The following CACNA1I variants were observed in gnomAD, a reference collection of about 807,000 sequenced individuals.
CACNA1I encodes calcium voltage-gated channel subunit alpha1 I, also known as voltage-dependent T-type calcium channel subunit alpha-1I.
Under a neutral mutation model 201.6 loss-of-function variants are expected in CACNA1I, and 74 were observed. The observed-to-expected ratio is 0.37, with a 90% CI of 0.30 to 0.45. The LOEUF is 0.45. CACNA1I is among the 20% of genes least tolerant of loss of function. The pLI, the probability that CACNA1I is intolerant of heterozygous loss-of-function variation, is 1.00. For missense variants in CACNA1I, 2,346 were observed against 3,138.1 expected, an observed-to-expected ratio of 0.75 and a Z score of 6.03; for synonymous variants, 1,431 against 1,345.2, an observed-to-expected ratio of 1.06 and a Z score of -1.40.
At chr22:39,625,612 A>G (rs1353120287) in intron 4 of CACNA1I, among the ~76,000 whole-genome samples, 1 of 152,204 alleles carries the variant, frequency 6.6e-6, no homozygotes, top group African/African-American at 2.4e-5. Context: ...TATAAAATAC[A>G]TGTCTCTCCA....
chr22:39,673,910 ACAC>A lies in CACNA1I; in HGVS notation c.4784-52_4784-50del. 2.6e-6 allele frequency: 4 copies of A among 1,566,072 alleles called. No individual in the cohort carries two copies. The South Asian group carries it at 4.4e-5, about 17-fold the overall frequency. Reference sequence around the variant, plus strand: ...CACACGTGCACACATGCGTGCACACACACGTCCCCACCGGCCTGGGGCTGAGTG... The same window carrying A: ...CACACGTGCACACATGCGTGCACACAGTCCCCACCGGCCTGGGGCTGAGTG... On this transcript the variant is annotated intron_variant, in intron 28 of 36. Transcript: ENST00000402142.
At chr22:39,613,253 C>A (rs553652988) in intron 3 of CACNA1I, among the ~76,000 whole-genome samples, 1 of 152,104 alleles carries the variant, frequency 6.6e-6, no homozygotes, top group African/African-American at 2.4e-5. Context: ...AGGGAATCCA[C>A]CTCTAAGTCA....
chr22:39,616,678 C>T (rs192339179), intron 3 of CACNA1I, among the ~76,000 whole-genome samples: 12 of 149,820 alleles, frequency 8.0e-5, no homozygotes, highest in African/African-American at 2.0e-4. Context: ...GCAGGAGAAT[C>T]GCTTGAACCC....
chr22:39,667,292 T>A (rs1935227269), intron 23 of CACNA1I, among the ~76,000 whole-genome samples: 1 of 152,126 alleles, frequency 6.6e-6, no homozygotes, highest in Admixed American at 6.5e-5. Flanking sequence ...CATTCCCACC[T>A]GGGAAGGGAA....
At chr22:39,627,801 C>T (rs1300347347) in intron 4 of CACNA1I, among the ~76,000 whole-genome samples, 2 of 152,190 alleles carry the variant, frequency 1.3e-5, no homozygotes, top group Admixed American at 1.3e-4. Context: ...TAGGCACCCA[C>T]AAGGGGCTCC....
At chr22:39,656,641 G>GGAGT in intron 10 of CACNA1I, 1 of 517,614 alleles carries the variant, frequency 1.9e-6, no homozygotes, top group South Asian at 1.4e-5. Flanking sequence ...TAGCCATGCA[G>GGAGT]GAATGAATGA....
In CACNA1I at chr22:39,677,779, G is replaced by A. The variant is rs373075112; in HGVS notation, c.4934-208G>A. 3.3e-5 allele frequency among the ~76,000 whole-genome samples: 5 copies of A among 152,292 alleles called. No individual in the cohort carries two copies. In the East Asian group the frequency reaches 9.7e-4, roughly 29 times the overall value. On this transcript the variant is annotated intron_variant, in intron 30 of 36. Coordinates refer to ENST00000402142, the MANE Select transcript of CACNA1I (RefSeq NM_021096.4). The surrounding 1 kb of genome is among the most constrained non-coding windows in gnomAD (Gnocchi z 4.8). ...CTCTTTCTCAGAAACCCATTCTTCG[G>A]CGGGGAGCAGAGCCAGACTCACCCA...
intron 6 of CACNA1I, among the ~76,000 whole-genome samples, chr22:39,642,489 G>A (rs1934374831): frequency 6.6e-6 from 1 of 152,204 alleles, no homozygotes; most frequent in Non-Finnish European, 1.5e-5. Context: ...TGATAAGCTG[G>A]AGCAGGGGCA....
At chr22:39,605,287 G>T (rs1453191965) in intron 3 of CACNA1I, among the ~76,000 whole-genome samples, 1 of 152,152 alleles carries the variant, frequency 6.6e-6, no homozygotes, top group African/African-American at 2.4e-5. Context: ...CTCCACATCT[G>T]GTGTAACCCT....
chr22:39,683,452 C>G (rs756002496), intron 35 of CACNA1I, among the ~76,000 whole-genome samples: 6 of 152,176 alleles, frequency 3.9e-5, no homozygotes, highest in African/African-American at 1.4e-4. Flanking sequence ...GGCTGAGGTG[C>G]CAAGATCCCA....
chr22:39,618,566 G>C (rs149646524), intron 3 of CACNA1I, among the ~76,000 whole-genome samples: 4 of 152,052 alleles, frequency 2.6e-5, no homozygotes, highest in Non-Finnish European at 5.9e-5. Flanking sequence ...TTCAAGCAGC[G>C]GGAGGGGGTG....
chr22:39,675,219 C>T (rs538196457), intron 29 of CACNA1I, among the ~76,000 whole-genome samples: 1 of 152,376 alleles, frequency 6.6e-6, no homozygotes, highest in South Asian at 2.1e-4. Context: ...GCATCGCTCC[C>T]TCAAGCGCTT....
At chr22:39,608,125 A>G (rs2146379316) in intron 3 of CACNA1I, among the ~76,000 whole-genome samples, 1 of 151,858 alleles carries the variant, frequency 6.6e-6, no homozygotes, top group East Asian at 1.9e-4. Flanking sequence ...CCAAAAAAAA[A>G]AAAAAAAAAA....
chr22:39,632,605 T>TA (rs1463342648), intron 4 of CACNA1I, among the ~76,000 whole-genome samples: 8 of 146,802 alleles, frequency 5.4e-5, no homozygotes, highest in Non-Finnish European at 1.2e-4. Context: ...GTTGGGGGGG[T>TA]AAAAAATGGG....
Position 39,685,742 on chromosome 22 carries a change from G to C in CACNA1I, c.6028-19G>C, listed in dbSNP as rs906999181. The C allele has an allele frequency of 2.1e-6, 3 of 1,440,428 alleles. No individual in the cohort carries two copies. The highest frequency in any genetic ancestry group is 2.7e-6 in the Non-Finnish European group (3 of 1,106,522). The allele number at this position is 1,440,428 out of a possible 1,614,324, so 89.2% of individuals were successfully genotyped here. On this transcript the variant is annotated intron_variant, in intron 36 of 36. Coordinates refer to ENST00000402142, the MANE Select transcript of CACNA1I (RefSeq NM_021096.4). This position sits in a 1 kb window ranked among gnomAD's most constrained non-coding sequence, Gnocchi z 5.0. Reference sequence around the variant, plus strand: ...GGGGGCCGACACAGGCGGCCTCCACGGCTCCCACCTCCCCCCAGGCCACCG... The same window carrying C: ...GGGGGCCGACACAGGCGGCCTCCACCGCTCCCACCTCCCCCCAGGCCACCG...
Position 39,664,899 on chromosome 22 carries a change from T to C in CACNA1I, c.3827T>C (p.Leu1276Pro), listed in dbSNP as rs1363736934. The C allele has an allele frequency of 6.2e-7, 1 of 1,612,582 alleles. No individual in the cohort carries two copies. Among genetic ancestry groups the C allele is most frequent in the East Asian group, 2.2e-5 (1 of 44,866 alleles). The stretch of plus-strand genomic sequence containing the variant: ...TTGGGGGTCCTCCGAGTCTTGCGGC[T>C]CCTGCGCACCCTACGCCCCCTGCGG... ...KILGVLRVLR[L>P]LRTLRPLRVI... The change falls in exon 21 of 37, where the codon CTC (leucine) becomes CCC (proline). Residue 1276 changes from leucine to proline, a missense_variant. Transcript: ENST00000402142.
At chr22:39,650,835 G>T (rs879445611) in intron 10 of CACNA1I, among the ~76,000 whole-genome samples, 3 of 152,210 alleles carry the variant, frequency 2.0e-5, no homozygotes, top group Admixed American at 6.5e-5. Context: ...GCCCCAGGGG[G>T]ACAGTACATA....
intron 10 of CACNA1I, among the ~76,000 whole-genome samples, chr22:39,655,970 G>A (rs1383896380): frequency 2.6e-5 from 4 of 152,180 alleles, no homozygotes; most frequent in African/African-American, 4.8e-5. Flanking sequence ...GAGTGTCAGC[G>A]CCTACAGCTT....
chr22:39,635,281 C>T (rs1467918813), intron 5 of CACNA1I, among the ~76,000 whole-genome samples: 1 of 152,196 alleles, frequency 6.6e-6, no homozygotes, highest in Non-Finnish European at 1.5e-5. Flanking sequence ...AGAGCATCTT[C>T]ATCCATGTTC....
Sources: allele counts gnomAD v4.1 joint callset (sites outside exome capture counted in the v4.1 genomes callset), GRCh38; gene constraint gnomAD v4.1.1; non-coding constraint Gnocchi (gnomAD v3.1); transcripts MANE v1.5; gene names NCBI Gene and HGNC (gene_info 2026-07-23, HGNC 2026-07-21).